The following CDH22 variants were observed in gnomAD, a reference collection of about 807,000 sequenced individuals.
CDH22 encodes cadherin 22.
In CDH22, 30 loss-of-function variants were observed where a neutral mutation model predicts 58.4. The ratio of observed to expected loss-of-function variants is 0.51; its 90% confidence interval spans 0.38 to 0.70. The LOEUF is 0.70. Ranked by LOEUF, CDH22 falls within the 30% of genes least tolerant of loss-of-function variation. CDH22 has a pLI of 0.00. For missense variants in CDH22, 1,014 were observed against 1,233.9 expected (o/e 0.82, Z 2.67); for synonymous variants, 513 against 558.2 (o/e 0.92, Z 1.14).
In CDH22 at chr20:46,249,235, T is replaced by C. The variant is rs538661018; in HGVS notation, c.255+1805A>G. Among the ~76,000 whole-genome samples the C allele has an allele frequency of 3.9e-5, 6 of 152,334 alleles. No individual in the cohort carries two copies. In the South Asian group the frequency reaches 1.2e-3, roughly 32 times the overall value. ...TGCCTCCAAAGCCTTCATTCTTAGC[T>C]GTTTCACCATTGGCTACTACCTATC... On this transcript the variant is annotated intron_variant, in intron 2 of 11. Coordinates refer to ENST00000537909, the MANE Select transcript of CDH22 (RefSeq NM_021248.3).
intron 7 of CDH22, among the ~76,000 whole-genome samples, chr20:46,202,009 G>A (rs1263492508): frequency 2.0e-5 from 3 of 152,154 alleles, no homozygotes; most frequent in African/African-American, 7.2e-5. Context: ...AGAGGTCTCG[G>A]TCAGGCATCT....
chr20:46,270,824 G>T (rs926854021), intron 1 of CDH22, among the ~76,000 whole-genome samples: 10 of 152,190 alleles, frequency 6.6e-5, no homozygotes, highest in Non-Finnish European at 1.5e-4. Flanking sequence ...ATTTAAGGCA[G>T]GAGCTGGGTT....
intron 7 of CDH22, among the ~76,000 whole-genome samples, chr20:46,203,640 C>T (rs1387258366): frequency 6.6e-6 from 1 of 152,200 alleles, no homozygotes; most frequent in East Asian, 1.9e-4. Context: ...AGGTGCCTAG[C>T]TGAGTTCCAG....
chr20:46,295,079 T>G (rs2086622669), intron 1 of CDH22, among the ~76,000 whole-genome samples: 1 of 151,774 alleles, frequency 6.6e-6, no homozygotes, highest in East Asian at 1.9e-4. Flanking sequence ...AGAACAGGCA[T>G]GCGAGGAGCC....
chr20:46,260,228 A>G (rs2086426580), intron 1 of CDH22, among the ~76,000 whole-genome samples: 2 of 152,230 alleles, frequency 1.3e-5, no homozygotes, highest in African/African-American at 4.8e-5. Context: ...TGGCTGGTAC[A>G]ATAGCAGCCA....
intron 10 of CDH22, among the ~76,000 whole-genome samples, chr20:46,178,554 C>A (rs76332365): frequency 6.7e-6 from 1 of 150,228 alleles, no homozygotes; most frequent in Admixed American, 6.6e-5. Flanking sequence ...ATTCCGTCCC[C>A]AGCTAGGCCA....
intron 3 of CDH22, 124 bp from the exon 4 acceptor site, chr20:46,227,751 A>G: frequency 7.3e-7 from 1 of 1,376,234 alleles, no homozygotes; most frequent in Non-Finnish European, 9.8e-7. Flanking sequence ...AGGCCATCGA[A>G]TACAGCCCCT....
chr20:46,261,657 G>C (rs1482741283), intron 1 of CDH22, among the ~76,000 whole-genome samples: 1 of 152,176 alleles, frequency 6.6e-6, no homozygotes, highest in Admixed American at 6.5e-5. Context: ...TCTGGCTCCT[G>C]TCTGCCCCCA....
At chr20:46,186,005 G>A (rs1208105375) in intron 10 of CDH22, among the ~76,000 whole-genome samples, 1 of 152,050 alleles carries the variant, frequency 6.6e-6, no homozygotes. Flanking sequence ...TTGAGCCTGG[G>A]AGTTCAAGAC....
rs896066736 is a variant in CDH22 at position 46,308,477 on chromosome 20, G to T, written c.-622C>A. ...AGCGAGGGAGTGAGCGAGCGAGCGG[G>T]AGCGAGGGAGTGTGCGTGTCTGACT... On this transcript the variant is annotated 5_prime_UTR_variant, in exon 1 of 12. Transcript: ENST00000537909. This position sits in a 1 kb window ranked among gnomAD's most constrained non-coding sequence, Gnocchi z 4.3. The T allele has an allele frequency of 5.1e-5, 11 of 213,760 alleles. No homozygotes were observed. Among genetic ancestry groups the T allele is most frequent in the Non-Finnish European group, 8.5e-5 (9 of 105,878 alleles). 13.2% of individuals were successfully genotyped at this position (213,760 alleles called of 1,614,324 possible).
Position 46,240,948 on chromosome 20 carries a change from G to A in CDH22, c.550+15C>T. The A allele has an allele frequency of 6.2e-7, 1 of 1,603,428 alleles. No individual in the cohort carries two copies. The highest frequency in any genetic ancestry group is 8.5e-7 in the Non-Finnish European group (1 of 1,172,678). On this transcript the variant is annotated intron_variant, in intron 3 of 11. Coordinates refer to ENST00000537909, the MANE Select transcript of CDH22 (RefSeq NM_021248.3). Reference sequence around the variant, plus strand: ...ACCTTGATCCCATCCCCCACCCCCAGGGCCCACAGCCCACCTGTAGGTGAG... The same window carrying A: ...ACCTTGATCCCATCCCCCACCCCCAAGGCCCACAGCCCACCTGTAGGTGAG...
intron 10 of CDH22, among the ~76,000 whole-genome samples, chr20:46,181,753 T>TTCTTTCTTTCTTTCTC (rs2085789013): frequency 1.7e-5 from 1 of 60,544 alleles, no homozygotes; most frequent in Non-Finnish European, 3.5e-5. Flanking sequence ...CCTTCCTTCC[T>TTCTTTCTTTCTTTCTC]TCTTTCTTTC....
chr20:46,217,548 T>A (rs147463580), intron 4 of CDH22, among the ~76,000 whole-genome samples: 19 of 152,244 alleles, frequency 1.2e-4, no homozygotes, highest in African/African-American at 4.6e-4. Flanking sequence ...TCCAGTCACA[T>A]GCTGCCACTC....
At chr20:46,215,191 G>T (rs1029554521) in intron 5 of CDH22, among the ~76,000 whole-genome samples, 1 of 152,196 alleles carries the variant, frequency 6.6e-6, no homozygotes, top group Admixed American at 6.5e-5. Context: ...GTGCAAATGG[G>T]CACCTGGAGA....
At chr20:46,227,461 C>CG in intron 4 of CDH22, 47 bp downstream of exon 4, 6 of 1,335,758 alleles carry the variant, frequency 4.5e-6, no homozygotes, top group Non-Finnish European at 6.2e-6. Context: ...CGCCCCGCCC[C>CG]TGGCCCCGCC....
At chr20:46,238,559 C>G (rs1311943399) in intron 3 of CDH22, among the ~76,000 whole-genome samples, 3 of 152,210 alleles carry the variant, frequency 2.0e-5, no homozygotes, top group African/African-American at 7.2e-5. Context: ...ACGCCAAACT[C>G]CTAATTTCCT....
intron 1 of CDH22, among the ~76,000 whole-genome samples, chr20:46,295,226 G>C (rs1303687963): frequency 2.0e-5 from 3 of 152,206 alleles, no homozygotes; most frequent in Admixed American, 2.0e-4. Flanking sequence ...AGGCACCCCA[G>C]TGGTCTCCAG....
rs1193039491 is a variant in CDH22, at chr20:46,174,882, C to T, written c.2111G>A (p.Gly704Asp). ...CCCGCCCGCTCCCCCGCCCGCGCTG[C>T]CGCCCCCGTCGCCGCCCTTGAGCTC... is the stretch of plus-strand genomic sequence containing the variant. ...FGELKGGDGGGSAGGGAGGGS... is the reference protein window; with the variant it reads ...FGELKGGDGGDSAGGGAGGGS... Residue 704 changes from glycine (G) to aspartate (D), a missense_variant, in exon 12 of 12, where the codon GGC becomes GAC. Gly to Asp is a moderately conservative substitution (Grantham distance 94). Transcript: ENST00000537909. The surrounding 1 kb of genome is among the most constrained non-coding windows in gnomAD (Gnocchi z 4.4). 6.0e-6 allele frequency: 7 copies of T among 1,170,496 alleles called. No homozygotes were observed. Among genetic ancestry groups the T allele is most frequent in the Non-Finnish European group, 7.7e-6 (7 of 905,708 alleles). 72.5% of individuals were successfully genotyped at this position (1,170,496 alleles called of 1,614,324 possible).
intron 1 of CDH22, among the ~76,000 whole-genome samples, chr20:46,277,532 T>A (rs1328129824): frequency 6.6e-6 from 1 of 152,160 alleles, no homozygotes; most frequent in Non-Finnish European, 1.5e-5. Context: ...TAATAAACGT[T>A]GTTAACCAAT....
Sources: allele counts gnomAD v4.1 joint callset (sites outside exome capture counted in the v4.1 genomes callset), GRCh38; gene constraint gnomAD v4.1.1; non-coding constraint Gnocchi (gnomAD v3.1); transcripts MANE v1.5; gene names NCBI Gene and HGNC (gene_info 2026-07-23, HGNC 2026-07-21).